MINDY4: variants seen among roughly 807,000 people sequenced by gnomAD.
MINDY4 encodes the protein MINDY lysine 48 deubiquitinase 4.
Under a neutral mutation model 87.0 loss-of-function variants are expected in MINDY4, and 68 were observed. The observed-to-expected ratio is 0.78, with a 90% CI of 0.64 to 0.96. The LOEUF is 0.96. MINDY4 is among the 40% of genes least tolerant of loss of function. The pLI is 0.00. For missense variants in MINDY4, 919 were observed against 928.2 expected (o/e 0.99, Z 0.13); for synonymous variants, 379 against 363.2 (o/e 1.04, Z -0.50).
intron 3 of MINDY4, among the ~76,000 whole-genome samples, chr7:30,784,854 T>C (rs895170692): frequency 2.0e-5 from 3 of 152,238 alleles, no homozygotes; most frequent in African/African-American, 7.2e-5. Flanking sequence ...CCCTCCCACA[T>C]GTGACCCAGT....
At chr7:30,821,509 C>T (rs1788329424) in intron 5 of MINDY4, among the ~76,000 whole-genome samples, 1 of 152,056 alleles carries the variant, frequency 6.6e-6, no homozygotes, top group Non-Finnish European at 1.5e-5. Flanking sequence ...TAAGATTTTT[C>T]TCATTGTCTT....
chr7:30,837,617 AC>A (rs760792592), intron 7 of MINDY4, among the ~76,000 whole-genome samples: 56 of 152,084 alleles, frequency 3.7e-4, no homozygotes, highest in Admixed American at 2.0e-4. Flanking sequence ...ATGGCCCCAA[AC>A]CTGGGAGGAG....
chr7:30,800,631 A>G (rs951299887), intron 5 of MINDY4, among the ~76,000 whole-genome samples: 1 of 152,226 alleles, frequency 6.6e-6, no homozygotes, highest in African/African-American at 2.4e-5. Context: ...TTGAGGGGGC[A>G]GGAGGGCCCT....
chr7:30,876,488 G>T (rs946949772), intron 15 of MINDY4, among the ~76,000 whole-genome samples: 3 of 152,240 alleles, frequency 2.0e-5, no homozygotes, highest in Admixed American at 1.3e-4. Context: ...TTGGCATGTG[G>T]TCCCTCTGCA....
At chr7:30,841,983 A>C (rs1789053158) in intron 9 of MINDY4, among the ~76,000 whole-genome samples, 1 of 152,212 alleles carries the variant, frequency 6.6e-6, no homozygotes, top group Non-Finnish European at 1.5e-5. Flanking sequence ...CCTGGGAACG[A>C]CACTGTTCAC....
chr7:30,871,597 C>T (rs951258207), intron 13 of MINDY4, among the ~76,000 whole-genome samples: 1 of 152,198 alleles, frequency 6.6e-6, no homozygotes, highest in Non-Finnish European at 1.5e-5. Context: ...AGTAGGTTTT[C>T]ACCTTGCATC....
chr7:30,884,835 A>G (rs958709607), intron 17 of MINDY4, among the ~76,000 whole-genome samples: 2 of 152,150 alleles, frequency 1.3e-5, no homozygotes, highest in African/African-American at 4.8e-5. Context: ...CTTGGTCTGC[A>G]TGGAGCTTAG....
chr7:30,882,578 G>A (rs1190579901), intron 16 of MINDY4, among the ~76,000 whole-genome samples: 11 of 152,230 alleles, frequency 7.2e-5, no homozygotes, highest in East Asian at 3.9e-4. Flanking sequence ...CATTAAGGGC[G>A]TTGGGTAAAG....
chr7:30,880,087 C>A (rs929027392), intron 15 of MINDY4, among the ~76,000 whole-genome samples: 1 of 152,184 alleles, frequency 6.6e-6, no homozygotes. Context: ...AGCACTATGT[C>A]CCCATTGCTG....
intron 17 of MINDY4, among the ~76,000 whole-genome samples, 178 bp downstream of exon 17, chr7:30,883,171 A>C (rs1005001387): frequency 6.6e-6 from 1 of 152,208 alleles, no homozygotes; most frequent in Non-Finnish European, 1.5e-5. Context: ...GCCCAGGTTC[A>C]GGAGTGTGTG....
At chr7:30,871,520 A>G (rs1790105621) in intron 13 of MINDY4, among the ~76,000 whole-genome samples, 2 of 152,208 alleles carry the variant, frequency 1.3e-5, no homozygotes, top group Admixed American at 1.3e-4. Context: ...TCACCGGGAT[A>G]CTGAATTGTT....
At chr7:30,862,404 A>G (rs1034932722) in intron 13 of MINDY4, among the ~76,000 whole-genome samples, 6 of 152,230 alleles carry the variant, frequency 3.9e-5, no homozygotes, top group African/African-American at 1.4e-4. Flanking sequence ...GGCCTTCCAG[A>G]GAGTAGTCCC....
chr7:30,804,830 G>T (rs1481921221), intron 5 of MINDY4, among the ~76,000 whole-genome samples: 1 of 152,148 alleles, frequency 6.6e-6, no homozygotes, highest in East Asian at 1.9e-4. Context: ...GGGGGAAGAG[G>T]ACTGTTGAGA....
chr7:30,866,415 G>A (rs1461580053), intron 13 of MINDY4, among the ~76,000 whole-genome samples: 1 of 152,158 alleles, frequency 6.6e-6, no homozygotes, highest in East Asian at 1.9e-4. Context: ...TGTTCACCAG[G>A]GCCTTTCTCA....
At chr7:30,784,192 C>G (rs1228060493) in intron 3 of MINDY4, among the ~76,000 whole-genome samples, 1 of 152,142 alleles carries the variant, frequency 6.6e-6, no homozygotes, top group Non-Finnish European at 1.5e-5. Flanking sequence ...TACTACCTGG[C>G]TGGGAAGTGA....
chr7:30,833,017 A>G (rs1231375701), intron 6 of MINDY4, among the ~76,000 whole-genome samples: 1 of 152,168 alleles, frequency 6.6e-6, no homozygotes, highest in African/African-American at 2.4e-5. Flanking sequence ...CTTGACATAG[A>G]TAGCATTGTG....
intron 12 of MINDY4, among the ~76,000 whole-genome samples, chr7:30,856,586 C>T (rs1015190186): frequency 1.2e-4 from 18 of 152,022 alleles, no homozygotes; most frequent in African/African-American, 2.4e-4. Context: ...CAGGCATTGG[C>T]GGAAGGGGAA....
At position 30,877,822 on chromosome 7, in the gene MINDY4, CTTTTTTTTTTT is replaced by C. The variant is rs60164229; in HGVS notation, c.1971+2192_1971+2202del. ...GAGTAGCTGGGATTACAGGGACATG[CTTTTTTTTTTT>C]TTTTTTTTTTTTTTTTTTTTTTTTT... is the stretch of plus-strand genomic sequence containing the variant. On this transcript the variant is annotated intron_variant, in intron 15 of 17. Coordinates refer to ENST00000265299, the MANE Select transcript of MINDY4 (RefSeq NM_032222.3). 2.0e-3 allele frequency among the ~76,000 whole-genome samples: 96 copies of C among 47,522 alleles called. 2 individuals carry two copies. The highest frequency in any genetic ancestry group is 4.5e-3 in the African/African-American group (67 of 14,844). The allele number at this position is 47,522 out of a possible 152,430, so 31.2% of individuals were successfully genotyped here.
chr7:30,823,300 A>G (rs1399362764), intron 5 of MINDY4, among the ~76,000 whole-genome samples: 1 of 152,206 alleles, frequency 6.6e-6, no homozygotes, highest in African/African-American at 2.4e-5. Context: ...ATCCAGTTGT[A>G]TTGGCATCTA....
Sources: allele counts gnomAD v4.1 joint callset (sites outside exome capture counted in the v4.1 genomes callset), GRCh38; gene constraint gnomAD v4.1.1; transcripts MANE v1.5; gene names NCBI Gene and HGNC (gene_info 2026-07-23, HGNC 2026-07-21).